The following SRGAP1 variants were observed in gnomAD, a reference collection of about 807,000 sequenced individuals.
The protein encoded by SRGAP1 is SLIT-ROBO Rho GTPase activating protein 1.
Under a neutral mutation model 121.9 loss-of-function variants are expected in SRGAP1, and 43 were observed. That is an observed-to-expected ratio of 0.35 (90% CI 0.28 to 0.46). The LOEUF is 0.46. Ranked by LOEUF, SRGAP1 falls within the 20% of genes least tolerant of loss-of-function variation. The probability of loss-of-function intolerance (pLI) is 1.00; values close to 1 mark genes in which losing one functional copy is unlikely to be tolerated. For missense variants in SRGAP1, 1,102 were observed against 1,350.9 expected, an observed-to-expected ratio of 0.82 and a Z score of 2.89; for synonymous variants, 447 against 485.4, an observed-to-expected ratio of 0.92 and a Z score of 1.04.
intron 12 of SRGAP1, among the ~76,000 whole-genome samples, 169 bp downstream of exon 12, chr12:64,091,547 G>A (rs1245118175): frequency 6.6e-6 from 1 of 152,004 alleles, no homozygotes; most frequent in Non-Finnish European, 1.5e-5. Context: ...AGAATATTTG[G>A]GTCGAGTGCC....
chr12:64,011,760 C>CT (rs1021157293), intron 3 of SRGAP1, among the ~76,000 whole-genome samples: 12 of 152,082 alleles, frequency 7.9e-5, no homozygotes, highest in African/African-American at 2.2e-4. Flanking sequence ...TGTATCGTAA[C>CT]TTAAAAAAAT....
intron 1 of SRGAP1, among the ~76,000 whole-genome samples, chr12:63,945,837 G>A (rs1342559656): frequency 6.6e-6 from 1 of 152,138 alleles, no homozygotes; most frequent in African/African-American, 2.4e-5. Flanking sequence ...CAAACTCTTG[G>A]CAGCTAGAAG....
At chr12:63,886,743 T>C (rs1002674166) in intron 1 of SRGAP1, among the ~76,000 whole-genome samples, 4 of 152,136 alleles carry the variant, frequency 2.6e-5, no homozygotes, top group Non-Finnish European at 5.9e-5. Flanking sequence ...AATGCTGGGA[T>C]TACAGGCGTG....
chr12:64,091,555 G>A (rs992914702), intron 12 of SRGAP1, among the ~76,000 whole-genome samples, 177 bp downstream of exon 12: 1 of 152,088 alleles, frequency 6.6e-6, no homozygotes, highest in African/African-American at 2.4e-5. Flanking sequence ...TGGGTCGAGT[G>A]CCTTCAGAAG....
chr12:64,062,912 T>G lies in SRGAP1; in HGVS notation c.802-5T>G. The G allele has an allele frequency of 1.9e-6, 3 of 1,602,028 alleles. No homozygotes were observed. The highest frequency in any genetic ancestry group is 1.7e-6 in the Non-Finnish European group (2 of 1,173,212). On this transcript the variant is annotated splice_region_variant and splice_polypyrimidine_tract_variant and intron_variant, in intron 6 of 21. Transcript: ENST00000355086. ...TTTGTATGTGGTGTTCTTTTACTTT[T>G]TAAGTGCTGTGATCTTGGCTACCAT...
intron 1 of SRGAP1, among the ~76,000 whole-genome samples, chr12:63,905,679 A>G (rs761594583): frequency 2.6e-5 from 4 of 152,216 alleles, no homozygotes; most frequent in Non-Finnish European, 5.9e-5. Flanking sequence ...TAAGAAATAG[A>G]CAGGATGACA....
At chr12:64,080,681 C>G (rs555062977) in intron 10 of SRGAP1, 1 of 420,158 alleles carries the variant, frequency 2.4e-6, no homozygotes, top group Non-Finnish European at 4.4e-6. Context: ...CTGCCCCTCC[C>G]CTACCTGCTG....
chr12:64,126,047 G>A lies in SRGAP1; in HGVS notation c.2295G>A (p.Lys765=). The A allele has an allele frequency of 6.2e-7, 1 of 1,614,194 alleles. No homozygotes were observed. The highest frequency in any genetic ancestry group is 8.5e-7 in the Non-Finnish European group (1 of 1,180,018). Residue 765 remains lysine (K), a synonymous_variant, in exon 19 of 22, where the codon AAG becomes AAA. Coordinates refer to ENST00000355086, the MANE Select transcript of SRGAP1 (RefSeq NM_020762.4). ...VGRSARELSF[K]KGASLLLYHR... ...GGTCTGCCAGAGAACTATCCTTCAA[G>A]AAGGGTGCCTCCCTGCTGCTGTATC...
chr12:64,078,077 A>C (rs2035770084), intron 8 of SRGAP1, among the ~76,000 whole-genome samples: 1 of 152,200 alleles, frequency 6.6e-6, no homozygotes, highest in Non-Finnish European at 1.5e-5. Flanking sequence ...CAATTGTTTA[A>C]ATTTAAAAGA....
At chr12:64,132,946 G>C (rs1165724516) in intron 21 of SRGAP1, among the ~76,000 whole-genome samples, 1 of 152,248 alleles carries the variant, frequency 6.6e-6, no homozygotes, top group Non-Finnish European at 1.5e-5. Context: ...TTCCAAGTCA[G>C]TGGCTCCAAT....
At chr12:63,859,991 G>T (rs1025522498) in intron 1 of SRGAP1, among the ~76,000 whole-genome samples, 3 of 152,138 alleles carry the variant, frequency 2.0e-5, no homozygotes, top group Admixed American at 1.3e-4. Flanking sequence ...AGGTGTGTGT[G>T]TGTAAATATA....
chr12:63,898,404 G>A (rs1479057946), intron 1 of SRGAP1, among the ~76,000 whole-genome samples: 1 of 152,202 alleles, frequency 6.6e-6, no homozygotes, highest in Non-Finnish European at 1.5e-5. Context: ...ACTTGAATGA[G>A]AACATTTTCC....
intron 6 of SRGAP1, among the ~76,000 whole-genome samples, chr12:64,055,864 C>G (rs1035659427): frequency 1.3e-5 from 2 of 152,156 alleles, no homozygotes; most frequent in African/African-American, 4.8e-5. Flanking sequence ...CTCTTGCTTC[C>G]ATGGCTTAAG....
At chr12:63,860,863 T>C (rs1379789208) in intron 1 of SRGAP1, among the ~76,000 whole-genome samples, 1 of 151,798 alleles carries the variant, frequency 6.6e-6, no homozygotes, top group Non-Finnish European at 1.5e-5. Context: ...TCTCGCTTTG[T>C]TGCCCAGACT....
chr12:63,934,287 C>G (rs1361556879), intron 1 of SRGAP1, among the ~76,000 whole-genome samples: 1 of 152,192 alleles, frequency 6.6e-6, no homozygotes, highest in Non-Finnish European at 1.5e-5. Context: ...AAACCCAGAT[C>G]TCACCTCCTG....
intron 4 of SRGAP1, among the ~76,000 whole-genome samples, chr12:64,040,837 T>G (rs984268891): frequency 6.6e-6 from 1 of 152,208 alleles, no homozygotes; most frequent in Non-Finnish European, 1.5e-5. Context: ...TTTAATTAGC[T>G]GAGTATAAAA....
At chr12:63,993,408 A>G (rs1340212586) in intron 3 of SRGAP1, among the ~76,000 whole-genome samples, 1 of 152,212 alleles carries the variant, frequency 6.6e-6, no homozygotes, top group Non-Finnish European at 1.5e-5. Flanking sequence ...TCTAGGTCAG[A>G]AGCCTATTTT....
chr12:64,025,582 G>T (rs1191619987), intron 4 of SRGAP1, among the ~76,000 whole-genome samples: 1 of 152,182 alleles, frequency 6.6e-6, no homozygotes, highest in African/African-American at 2.4e-5. Flanking sequence ...GGGAAATAAG[G>T]AGTAGGAATA....
chr12:64,061,851 A>G (rs1315667876), intron 6 of SRGAP1, among the ~76,000 whole-genome samples: 2 of 152,150 alleles, frequency 1.3e-5, no homozygotes, highest in African/African-American at 4.8e-5. Context: ...CATCCATGTT[A>G]TGGCATGTAT....
Sources: gnomAD v4.1 joint callset for allele counts (sites outside exome capture counted in the v4.1 genomes callset) on GRCh38, gnomAD v4.1.1 for gene constraint, MANE v1.5 for transcripts, NCBI Gene and HGNC (gene_info 2026-07-23, HGNC 2026-07-21) for gene names.